AUTS2: variants seen among roughly 807,000 people sequenced by gnomAD.
The protein encoded by AUTS2 is autism susceptibility gene 2 protein.
In AUTS2, 17 loss-of-function variants were observed where a neutral mutation model predicts 112.4. The observed-to-expected ratio is 0.15, with a 90% CI of 0.10 to 0.23. The LOEUF is 0.23. Ranked by LOEUF, AUTS2 falls within the 10% of genes least tolerant of loss-of-function variation. The pLI is 1.00. For synonymous variants in AUTS2, 751 were observed against 702.7 expected (o/e 1.07, Z -1.09); for missense variants, 1,510 against 1,701.6 (o/e 0.89, Z 1.98).
In AUTS2 at chr7:70,790,066, G is replaced by A; in HGVS notation, c.2850G>A (p.Glu950=). The change falls in exon 19 of 19, where the codon GAG becomes GAA. Residue 950 remains glutamate (E), a synonymous_variant. Coordinates refer to ENST00000342771, the MANE Select transcript of AUTS2 (RefSeq NM_015570.4). This position sits in a 1 kb window ranked among gnomAD's most constrained non-coding sequence, Gnocchi z 7.6. ...CCTACGTGCGGACCCCGGTGGTGGA[G>A]AGTGCCAGGCCCAACAGCACCTCGA... ...PSPYVRTPVV[E]SARPNSTSSR... is the part of the protein sequence containing the mutation. The A allele has an allele frequency of 6.3e-7, 1 of 1,577,538 alleles. No individual in the cohort carries two copies. The highest frequency in any genetic ancestry group is 8.6e-7 in the Non-Finnish European group (1 of 1,163,636).
intron 4 of AUTS2, among the ~76,000 whole-genome samples, chr7:70,311,457 G>A (rs1789745416): frequency 6.6e-6 from 1 of 152,192 alleles, no homozygotes; most frequent in Admixed American, 6.5e-5. Context: ...CTTGCAGTGT[G>A]GCTGACGCCA....
chr7:69,617,524 C>G (rs557289754), intron 1 of AUTS2, among the ~76,000 whole-genome samples: 1 of 152,196 alleles, frequency 6.6e-6, no homozygotes, highest in Non-Finnish European at 1.5e-5. Context: ...GGAACAAAGC[C>G]ATTGAGGAGG....
chr7:70,487,025 G>A (rs779009413), intron 5 of AUTS2, among the ~76,000 whole-genome samples: 14 of 151,996 alleles, frequency 9.2e-5, no homozygotes, highest in Non-Finnish European at 1.9e-4. Context: ...TAGGGACAGA[G>A]CATCCTTGAG....
At chr7:70,500,150 T>G (rs534547756) in intron 5 of AUTS2, among the ~76,000 whole-genome samples, 26 of 150,660 alleles carry the variant, frequency 1.7e-4, no homozygotes, top group African/African-American at 6.1e-4. Flanking sequence ...TACCTAAGGT[T>G]GCTAAAGGTA....
chr7:70,627,478 T>C (rs1056312127), intron 5 of AUTS2, among the ~76,000 whole-genome samples: 3 of 152,252 alleles, frequency 2.0e-5, no homozygotes, highest in Non-Finnish European at 2.9e-5. Context: ...CTTCTTTTGC[T>C]GTGGAGCTCA....
chr7:69,705,999 C>T (rs114147316), intron 1 of AUTS2, among the ~76,000 whole-genome samples: 55 of 152,180 alleles, frequency 3.6e-4, no homozygotes, highest in African/African-American at 1.2e-3. Context: ...TCTCCAAATA[C>T]GGTTTCATTC....
chr7:70,645,915 G>A (rs879637184), intron 5 of AUTS2, among the ~76,000 whole-genome samples: 2 of 151,828 alleles, frequency 1.3e-5, no homozygotes, highest in Non-Finnish European at 1.5e-5. Context: ...CCTCAGTATC[G>A]TTTATTCCAT....
chr7:69,684,321 A>G (rs894164958), intron 1 of AUTS2, among the ~76,000 whole-genome samples: 6 of 152,150 alleles, frequency 3.9e-5, no homozygotes, highest in Non-Finnish European at 8.8e-5. Context: ...TCTCTGAGAT[A>G]GCAGCTCCCA....
At chr7:69,848,098 A>G (rs1792291209) in intron 1 of AUTS2, among the ~76,000 whole-genome samples, 1 of 152,194 alleles carries the variant, frequency 6.6e-6, no homozygotes, top group Non-Finnish European at 1.5e-5. Flanking sequence ...CTTGTCATAG[A>G]TCCCGTGGTT....
chr7:69,668,022 G>A (rs1796149339), intron 1 of AUTS2, among the ~76,000 whole-genome samples: 1 of 152,116 alleles, frequency 6.6e-6, no homozygotes, highest in Non-Finnish European at 1.5e-5. Flanking sequence ...TTTGTTTGAG[G>A]CTTACTGTCA....
intron 4 of AUTS2, among the ~76,000 whole-genome samples, chr7:70,412,616 G>A (rs1029093434): frequency 6.6e-6 from 1 of 152,148 alleles, no homozygotes; most frequent in Non-Finnish European, 1.5e-5. Context: ...AAATCATTCT[G>A]GCAGCTCACC....
intron 4 of AUTS2, among the ~76,000 whole-genome samples, chr7:70,349,170 A>C (rs867650358): frequency 6.6e-6 from 1 of 152,246 alleles, no homozygotes; most frequent in South Asian, 2.1e-4. Context: ...CCAGACTTAC[A>C]GGCAGTCTGG....
chr7:70,756,435 A>G (rs1343350685), intron 6 of AUTS2, among the ~76,000 whole-genome samples: 1 of 151,670 alleles, frequency 6.6e-6, no homozygotes, highest in Admixed American at 6.5e-5. Context: ...ACCCAGCATA[A>G]TAATAAGAAA....
At chr7:69,670,095 C>T (rs1442922560) in intron 1 of AUTS2, among the ~76,000 whole-genome samples, 1 of 152,138 alleles carries the variant, frequency 6.6e-6, no homozygotes, top group Non-Finnish European at 1.5e-5. Flanking sequence ...TTGCTTTCCT[C>T]CCTCCCCAGC....
chr7:69,687,392 T>C (rs1797108587), intron 1 of AUTS2, among the ~76,000 whole-genome samples: 1 of 152,218 alleles, frequency 6.6e-6, no homozygotes, highest in Non-Finnish European at 1.5e-5. Context: ...CTTTGCATAA[T>C]TGTATAGTAG....
intron 1 of AUTS2, among the ~76,000 whole-genome samples, chr7:69,753,389 G>T (rs538913218): frequency 1.2e-4 from 18 of 151,864 alleles, no homozygotes; most frequent in Non-Finnish European, 2.6e-4. Flanking sequence ...GGAAAGGCAT[G>T]AGAAAAATGA....
At chr7:70,157,698 G>C (rs2033635526) in intron 4 of AUTS2, among the ~76,000 whole-genome samples, 1 of 152,180 alleles carries the variant, frequency 6.6e-6, no homozygotes, top group African/African-American at 2.4e-5. Context: ...GCTGGATGAT[G>C]ATGAGTCTTC....
chr7:69,765,752 C>G lies in AUTS2; in HGVS notation c.310-133534C>G, dbSNP rs150140177. Among the ~76,000 whole-genome samples, 440 of 152,128 alleles carry G rather than the reference C, an allele frequency of 2.9e-3. 5 individuals are homozygous for G. The highest frequency in any genetic ancestry group is 0.01 in the African/African-American group (427 of 41,528). On this transcript the variant is annotated intron_variant, in intron 1 of 18. Transcript: ENST00000342771. Reference sequence around the variant, plus strand: ...CTCAGGAGTTTGAGACCAGCCTGGGCAACATGGCAAAACCCCATGTCTACA... The same window carrying G: ...CTCAGGAGTTTGAGACCAGCCTGGGGAACATGGCAAAACCCCATGTCTACA...
rs1313528652 is a variant in AUTS2, at chr7:70,118,481, A to T, written c.624+248A>T. 3 of 383,046 alleles carry T rather than the reference A, an allele frequency of 7.8e-6. No individual in the cohort carries two copies. In the Admixed American group the frequency reaches 1.4e-4, roughly 18 times the overall value. The allele number at this position is 383,046 out of a possible 1,614,324, so 23.7% of individuals were successfully genotyped here. A position where few individuals can be genotyped will look rare whatever the true frequency, so the allele number is the denominator to read the frequency against. Reference sequence around the variant, plus strand: ...CATTAGGTAGGAGGAACTATTTGTTACCTTAGAAACAACAAGGCCGGGCAC... The same window carrying T: ...CATTAGGTAGGAGGAACTATTTGTTTCCTTAGAAACAACAAGGCCGGGCAC... On this transcript the variant is annotated intron_variant, in intron 3 of 18. Transcript: ENST00000342771.
Sources: gnomAD v4.1 joint callset for allele counts (sites outside exome capture counted in the v4.1 genomes callset) on GRCh38, gnomAD v4.1.1 for gene constraint, Gnocchi (gnomAD v3.1) non-coding constraint, MANE v1.5 for transcripts, NCBI Gene and HGNC (gene_info 2026-07-23, HGNC 2026-07-21) for gene names.